Variants in BNC2 observed in about 807,000 individuals in gnomAD.
BNC2 encodes basonuclin zinc finger protein 2.
BNC2 carries 20 observed loss-of-function variants against 76.3 expected under a neutral mutation model. The ratio of observed to expected loss-of-function variants is 0.26; its 90% CI spans 0.18 to 0.38. The LOEUF (loss-of-function observed/expected upper bound fraction) is 0.38. BNC2 is among the 10% of genes least tolerant of loss of function. The pLI is 1.00. For synonymous variants in BNC2, 582 were observed against 514.8 expected (o/e 1.13, Z -1.77); for missense variants, 1,382 against 1,399.8 (o/e 0.99, Z 0.20).
intron 3 of BNC2, among the ~76,000 whole-genome samples, chr9:16,681,132 G>A (rs904194993): frequency 4.6e-5 from 7 of 152,142 alleles, no homozygotes; most frequent in African/African-American, 1.7e-4. Context: ...AGCTGAGATG[G>A]TGGCATACTT....
chr9:16,707,858 T>C (rs1323439251), intron 3 of BNC2, among the ~76,000 whole-genome samples: 3 of 152,132 alleles, frequency 2.0e-5, no homozygotes, highest in South Asian at 2.1e-4. Context: ...GCCAGGCTAG[T>C]CTGGAATCCC....
intron 1 of BNC2, among the ~76,000 whole-genome samples, chr9:16,819,460 C>T (rs1313584003): frequency 6.6e-6 from 1 of 152,030 alleles, no homozygotes; most frequent in Non-Finnish European, 1.5e-5. Context: ...GTCTGGAGTT[C>T]GAGACCAGCC....
chr9:16,698,608 G>T (rs530523805), intron 3 of BNC2, among the ~76,000 whole-genome samples: 2 of 152,052 alleles, frequency 1.3e-5, no homozygotes, highest in African/African-American at 4.8e-5. Flanking sequence ...CAGGAGAATC[G>T]CTTGAACCCG....
intron 3 of BNC2, among the ~76,000 whole-genome samples, chr9:16,629,590 G>C (rs1033575567): frequency 1.3e-5 from 2 of 152,084 alleles, no homozygotes; most frequent in Non-Finnish European, 2.9e-5. Context: ...AAGAGTAAAG[G>C]ATGAGCATCT....
At chr9:16,461,979 T>C (rs1002503691) in intron 5 of BNC2, among the ~76,000 whole-genome samples, 1 of 152,202 alleles carries the variant, frequency 6.6e-6, no homozygotes, top group African/African-American at 2.4e-5. Context: ...TTTAATGCCT[T>C]TCCTTGATTT....
chr9:16,732,986 A>G (rs1824559492), intron 2 of BNC2, among the ~76,000 whole-genome samples: 1 of 152,232 alleles, frequency 6.6e-6, no homozygotes, highest in South Asian at 2.1e-4. Flanking sequence ...CTACAGCAAC[A>G]TGTAAACTAG....
At chr9:16,819,390 C>T (rs1275166245) in intron 1 of BNC2, among the ~76,000 whole-genome samples, 1 of 152,164 alleles carries the variant, frequency 6.6e-6, no homozygotes, top group Non-Finnish European at 1.5e-5. Flanking sequence ...AGGCTGGGCA[C>T]AATGGCTCAT....
Position 16,753,686 on chromosome 9 carries a change from T to C in BNC2, c.4-15201A>G, listed in dbSNP as rs143686080. On this transcript the variant is annotated intron_variant, in intron 1 of 6. Transcript: ENST00000380672. Reference sequence around the variant, plus strand: ...TTAGACAATAAAAGCATATTCCAGGTATCAATCAGCAAGCCCAGTATGTCC... The same window carrying C: ...TTAGACAATAAAAGCATATTCCAGGCATCAATCAGCAAGCCCAGTATGTCC... Among the ~76,000 whole-genome samples the C allele has an allele frequency of 1.1e-3, 169 of 152,332 alleles. 1 individual carries two copies. Among genetic ancestry groups the C allele is most frequent in the African/African-American group, 3.9e-3 (161 of 41,580 alleles).
chr9:16,811,848 C>T (rs1455728288), intron 1 of BNC2, among the ~76,000 whole-genome samples: 1 of 152,176 alleles, frequency 6.6e-6, no homozygotes, highest in East Asian at 1.9e-4. Flanking sequence ...ATGGTTTCTA[C>T]AAAGCTGTCT....
At chr9:16,522,339 T>G (rs572266095) in intron 5 of BNC2, among the ~76,000 whole-genome samples, 9 of 152,344 alleles carry the variant, frequency 5.9e-5, no homozygotes, top group African/African-American at 2.2e-4. Context: ...CTCTTCCTCC[T>G]AGCATGCCCG....
chr9:16,677,979 A>G (rs1392629233), intron 3 of BNC2, among the ~76,000 whole-genome samples: 1 of 152,186 alleles, frequency 6.6e-6, no homozygotes, highest in Non-Finnish European at 1.5e-5. Context: ...AACCAACATT[A>G]TAAATGAAAA....
At chr9:16,449,807 T>G (rs1821301751) in intron 5 of BNC2, among the ~76,000 whole-genome samples, 1 of 107,466 alleles carries the variant, frequency 9.3e-6, no homozygotes, top group Admixed American at 1.5e-4. Context: ...GAATGGGAGG[T>G]GAAAAGCAAT....
intron 3 of BNC2, among the ~76,000 whole-genome samples, chr9:16,703,435 G>A (rs1229274959): frequency 6.6e-6 from 1 of 151,998 alleles, no homozygotes; most frequent in East Asian, 1.9e-4. Flanking sequence ...CTATCATCAT[G>A]TTACTAGACC....
At chr9:16,511,420 C>CTTTTTT (rs758039548) in intron 5 of BNC2, among the ~76,000 whole-genome samples, 4 of 69,476 alleles carry the variant, frequency 5.8e-5, no homozygotes, top group South Asian at 4.4e-4. Flanking sequence ...AATAAATTTA[C>CTTTTTT]TTTTTTTTTT....
intron 3 of BNC2, among the ~76,000 whole-genome samples, chr9:16,659,606 C>CAA (rs779661465): frequency 0.011 from 1,299 of 122,778 alleles, 8 homozygotes; most frequent in Admixed American, 0.019. Context: ...GACTCCGTCT[C>CAA]AAAAAAAAAA....
intron 5 of BNC2, among the ~76,000 whole-genome samples, chr9:16,446,696 C>G (rs1197028277): frequency 1.3e-5 from 2 of 152,022 alleles, no homozygotes. Flanking sequence ...TGATTACGGA[C>G]CAGATAAGAA....
chr9:16,816,641 G>A (rs1818189325), intron 1 of BNC2, among the ~76,000 whole-genome samples: 14 of 152,086 alleles, frequency 9.2e-5, no homozygotes, highest in Admixed American at 9.2e-4. Flanking sequence ...AGAAAAACTG[G>A]GAAATCACGG....
intron 3 of BNC2, among the ~76,000 whole-genome samples, chr9:16,705,772 AAGGTGCCAGT>A: frequency 6.6e-6 from 1 of 152,224 alleles, no homozygotes; most frequent in Non-Finnish European, 1.5e-5. Flanking sequence ...CTACTTATCA[AAGGTGCCAGT>A]TCTTTCACAT....
intron 6 of BNC2, among the ~76,000 whole-genome samples, chr9:16,432,098 C>T (rs1175555408): frequency 6.6e-6 from 1 of 152,182 alleles, no homozygotes; most frequent in East Asian, 1.9e-4. Context: ...TAACAGCTAC[C>T]TAGTAACAAA....
Sources: allele counts gnomAD v4.1 joint callset (sites outside exome capture counted in the v4.1 genomes callset), GRCh38; gene constraint gnomAD v4.1.1; transcripts MANE v1.5; gene names NCBI Gene and HGNC (gene_info 2026-07-23, HGNC 2026-07-21).